KDM2B: variants seen among roughly 807,000 people sequenced by gnomAD.
KDM2B encodes the protein lysine-specific demethylase 2B.
A neutral mutation model predicts 150.0 loss-of-function variants in KDM2B; 26 were observed. The ratio of observed to expected loss-of-function variants is 0.17; its 90% CI spans 0.13 to 0.24. The LOEUF (loss-of-function observed/expected upper bound fraction) is 0.24. Among genes scored for constraint, KDM2B ranks in the 10% least tolerant of loss-of-function variants. The pLI is 1.00. For synonymous variants in KDM2B, 734 were observed against 729.5 expected (o/e 1.01, Z -0.10); for missense variants, 1,265 against 1,816.9 (o/e 0.70, Z 5.52).
rs782063215 is a variant in KDM2B, at chr12:121,549,471, G to A, written c.565C>T (p.Arg189Cys). Reference protein sequence around the residue: ...SHTKLEHLVKRPTVVDLVDWV... With the variant: ...SHTKLEHLVKCPTVVDLVDWV... ...GGCCCCGGACCTACCACAGTCGGAC[G>A]CTTGACCAAGTGCTCCAGCTTGGTG... is the stretch of plus-strand genomic sequence containing the variant. Residue 189 changes from arginine to cysteine, a missense_variant, in exon 5 of 23, where the codon CGT (arginine) becomes TGT (cysteine). Arg to Cys is a radical substitution (Grantham distance 180). This residue lies in a region of KDM2B where 214 missense variants were observed against 447.4 expected (regional missense o/e 0.48). Coordinates refer to ENST00000377071, the MANE Select transcript of KDM2B (RefSeq NM_032590.5). The surrounding 1 kb of genome is among the most constrained non-coding windows in gnomAD (Gnocchi z 4.4). 5.0e-6 allele frequency: 8 copies of A among 1,600,870 alleles called. No individual in the cohort carries two copies. Among genetic ancestry groups the A allele is most frequent in the Non-Finnish European group, 5.1e-6 (6 of 1,169,966 alleles).
chr12:121,551,845 G>A (rs995977856), intron 4 of KDM2B, among the ~76,000 whole-genome samples: 34 of 152,078 alleles, frequency 2.2e-4, no homozygotes, highest in Non-Finnish European at 1.6e-4. Context: ...GAGCCACCGC[G>A]CCCAGCATGA....
intron 13 of KDM2B, among the ~76,000 whole-genome samples, chr12:121,449,385 A>G (rs1876845998): frequency 6.6e-6 from 1 of 152,116 alleles, no homozygotes; most frequent in Admixed American, 6.5e-5. Flanking sequence ...GCAGAGCAGA[A>G]GGGCTAGGAG....
intron 12 of KDM2B, among the ~76,000 whole-genome samples, chr12:121,472,587 G>A (rs1360625527): frequency 6.6e-6 from 1 of 152,052 alleles, no homozygotes; most frequent in Non-Finnish European, 1.5e-5. Flanking sequence ...GTCTCCTTAC[G>A]TTACCAAAAA....
At chr12:121,517,629 T>G (rs1886332628) in intron 9 of KDM2B, among the ~76,000 whole-genome samples, 1 of 150,800 alleles carries the variant, frequency 6.6e-6, no homozygotes, top group Non-Finnish European at 1.5e-5. Context: ...CCACCATGCC[T>G]GGCTAATTTT....
chr12:121,494,221 G>A (rs1363116780), intron 12 of KDM2B: 1 of 223,572 alleles, frequency 4.5e-6, no homozygotes, highest in Non-Finnish European at 9.0e-6. Flanking sequence ...CCTTTCAAAA[G>A]AGGAGAAGAC....
intron 2 of KDM2B, among the ~76,000 whole-genome samples, chr12:121,576,925 C>A (rs533724068): frequency 6.6e-6 from 1 of 152,322 alleles, no homozygotes; most frequent in African/African-American, 2.4e-5. Context: ...CGAAGAGAGA[C>A]AGAGAACAAA....
chr12:121,473,689 A>C (rs1468671741), intron 12 of KDM2B, among the ~76,000 whole-genome samples: 2 of 142,410 alleles, frequency 1.4e-5, no homozygotes, highest in East Asian at 4.1e-4. Flanking sequence ...ACTGCACTCC[A>C]GCCTGGGTGA....
chr12:121,499,152 C>T (rs1453909766), intron 11 of KDM2B, among the ~76,000 whole-genome samples: 4 of 149,540 alleles, frequency 2.7e-5, no homozygotes, highest in Non-Finnish European at 5.9e-5. Context: ...GCTCTGTCGC[C>T]CAGGCTAGAG....
chr12:121,448,914 C>G (rs2138530906), intron 13 of KDM2B, among the ~76,000 whole-genome samples: 1 of 152,300 alleles, frequency 6.6e-6, no homozygotes, highest in Admixed American at 6.5e-5. Context: ...TCAGAAGCAG[C>G]AGAGGCTGAT....
intron 12 of KDM2B, among the ~76,000 whole-genome samples, chr12:121,455,364 C>G (rs1188438295): frequency 1.3e-5 from 2 of 152,206 alleles, no homozygotes; most frequent in South Asian, 2.1e-4. Context: ...GACTGCAGGG[C>G]CACCCACAGG....
chr12:121,413,498 GC>G, the KDM2B span, among the ~76,000 whole-genome samples: 1 of 142,506 alleles, frequency 7.0e-6, no homozygotes, highest in Non-Finnish European at 1.5e-5. Context: ...TGCACCCTCC[GC>G]CTCCTGGGTT....
chr12:121,554,519 T>C (rs1555312402), intron 4 of KDM2B, among the ~76,000 whole-genome samples: 1 of 151,976 alleles, frequency 6.6e-6, no homozygotes, highest in Non-Finnish European at 1.5e-5. Context: ...CAAGCGATTC[T>C]CCTGCCTCAG....
Position 121,513,498 on chromosome 12 carries a change from G to T in KDM2B, c.1048-96C>A. ...CGGGGCAGGCTCCCTGCAGGTGAGG[G>T]TCACTGTCATCATCTTAGCGAGAGC... On this transcript the variant is annotated intron_variant, in intron 9 of 22. Transcript: ENST00000377071. This position sits in a 1 kb window ranked among gnomAD's most constrained non-coding sequence, Gnocchi z 5.0. The T allele has an allele frequency of 1.4e-6, 2 of 1,384,268 alleles. No individual in the cohort carries two copies. The highest frequency in any genetic ancestry group is 2.0e-6 in the Non-Finnish European group (2 of 988,614). 85.7% of individuals were successfully genotyped at this position (1,384,268 alleles called of 1,614,324 possible). A position where few individuals can be genotyped will look rare whatever the true frequency, so the allele number is the denominator to read the frequency against.
At position 121,442,337 on chromosome 12, in the gene KDM2B, C is replaced by T; in HGVS notation, c.3104G>A (p.Cys1035Tyr). The T allele has an allele frequency of 1.3e-6, 2 of 1,594,932 alleles. No homozygotes were observed. The highest frequency in any genetic ancestry group is 1.7e-5 in the Admixed American group (1 of 59,302). The change falls in exon 19 of 23, where the codon TGT becomes TAT. Residue 1035 changes from cysteine to tyrosine, a missense_variant. Physicochemically the swap from Cys to Tyr is radical, Grantham distance 194. Around this residue, in one of 11 missense-constraint regions of KDM2B, gnomAD observed 418 missense variants for 402.4 expected, o/e 1.04. Coordinates refer to ENST00000377071, the MANE Select transcript of KDM2B (RefSeq NM_032590.5). This position sits in a 1 kb window ranked among gnomAD's most constrained non-coding sequence, Gnocchi z 7.7. ...GATCACATGGCGCTCCATCTGGATA[C>T]ACTTGGGCGGGGACACGGAGGGTGG... is the stretch of plus-strand genomic sequence containing the variant. ...RPPPSVSPPK[C>Y]IQMERHVIRP...
chr12:121,437,884 GGAATTTTTTTTTTTTTTAA>G (rs1199765784), intron 22 of KDM2B, among the ~76,000 whole-genome samples: 3 of 135,198 alleles, frequency 2.2e-5, no homozygotes, highest in Non-Finnish European at 3.3e-5. Flanking sequence ...CGATGAGAGG[GGAATTTTTTTTTTTTTTAA>G]GAAAATCTAG....
At chr12:121,432,894 G>GAC (rs1447242670) in intron 22 of KDM2B, among the ~76,000 whole-genome samples, 2 of 152,198 alleles carry the variant, frequency 1.3e-5, no homozygotes, top group African/African-American at 4.8e-5. Flanking sequence ...CCTCTCCCTT[G>GAC]ACACCTTCAA....
At chr12:121,461,362 G>C (rs1879095474) in intron 12 of KDM2B, among the ~76,000 whole-genome samples, 1 of 152,306 alleles carries the variant, frequency 6.6e-6, no homozygotes, top group Middle Eastern at 3.4e-3. Flanking sequence ...ACCCATCACA[G>C]TAAGTTAAAG....
chr12:121,447,156 G>A (rs1476324581), intron 13 of KDM2B, among the ~76,000 whole-genome samples: 1 of 152,106 alleles, frequency 6.6e-6, no homozygotes, highest in South Asian at 2.1e-4. Flanking sequence ...GTATATATCT[G>A]TGTGAGGCAA....
chr12:121,477,899 T>A (rs1452698865), intron 12 of KDM2B, among the ~76,000 whole-genome samples: 1 of 151,646 alleles, frequency 6.6e-6, no homozygotes, highest in Non-Finnish European at 1.5e-5. Flanking sequence ...TTTAAAACTT[T>A]TTTTTATCAT....
Sources: allele counts gnomAD v4.1 joint callset (sites outside exome capture counted in the v4.1 genomes callset), GRCh38; gene constraint gnomAD v4.1.1; regional missense constraint gnomAD v4.1.1; non-coding constraint Gnocchi (gnomAD v3.1); transcripts MANE v1.5; gene names NCBI Gene and HGNC (gene_info 2026-07-23, HGNC 2026-07-21).